KIRREL3: variants seen among roughly 807,000 people sequenced by gnomAD.
The protein encoded by KIRREL3 is kirre like nephrin family adhesion molecule 3, also known as kin of IRRE-like protein 3.
KIRREL3 carries 36 observed loss-of-function variants against 89.7 expected under a neutral mutation model. That is an observed-to-expected ratio of 0.40 (90% CI 0.31 to 0.53). The LOEUF (loss-of-function observed/expected upper bound fraction) is 0.53, where lower values mean the gene tolerates loss of function less well. Among genes scored for constraint, KIRREL3 ranks in the 20% least tolerant of loss-of-function variants. KIRREL3 has a pLI of 0.49. For synonymous variants in KIRREL3, 445 were observed against 441.4 expected, an observed-to-expected ratio of 1.01 and a Z score of -0.10; for missense variants, 864 against 1,056.6, an observed-to-expected ratio of 0.82 and a Z score of 2.53.
At chr11:126,613,747 G>A (rs971428577) in intron 1 of KIRREL3, among the ~76,000 whole-genome samples, 1 of 151,836 alleles carries the variant, frequency 6.6e-6, no homozygotes, top group South Asian at 2.1e-4. Context: ...TTATTTTCTC[G>A]ATGTGCATTT....
rs1955736095 is a variant in KIRREL3 at position 126,445,014 on chromosome 11, C to T, written c.1217G>A (p.Gly406Glu). The T allele has an allele frequency of 6.2e-7, 1 of 1,613,868 alleles. No individual in the cohort carries two copies. Among genetic ancestry groups the T allele is most frequent in the African/African-American group, 1.3e-5 (1 of 75,056 alleles). The change falls in exon 10 of 17, where the codon GGA becomes GAA. Residue 406 changes from glycine to glutamate, a missense_variant. Transcript: ENST00000525144. ...CAGGGTCACCTCTCTCTCCCCGGCT[C>T]CCACACGGGGCACCACAGCCCGGCA... is the stretch of plus-strand genomic sequence containing the variant. ...YVCRAVVPRVGAGEREVTLTV... is the reference protein window; with the variant it reads ...YVCRAVVPRVEAGEREVTLTV...
intron 7 of KIRREL3, 89 bp downstream of exon 7, chr11:126,456,260 A>T (rs1321291300): frequency 2.4e-6 from 2 of 838,754 alleles, no homozygotes; most frequent in Admixed American, 2.1e-5. Flanking sequence ...CACTGCAGCC[A>T]TGCTGAGGAC....
In KIRREL3 at chr11:126,489,944, T is replaced by A. The variant is rs1957463932; in HGVS notation, c.434-16478A>T. 6.6e-6 allele frequency among the ~76,000 whole-genome samples: 1 copy of A among 152,144 alleles called. No individual in the cohort carries two copies. Among genetic ancestry groups the A allele is most frequent in the African/African-American group, 2.4e-5 (1 of 41,442 alleles). ...CAGCTCAGATCTCCATCCCTGGCAC[T>A]GTGCAGGAATCTGGGCGTGTTAGTG... On this transcript the variant is annotated intron_variant, in intron 4 of 16. Transcript: ENST00000525144. The surrounding 1 kb of genome is among the most constrained non-coding windows in gnomAD (Gnocchi z 5.5).
chr11:126,585,437 C>T (rs1254130208), intron 1 of KIRREL3, among the ~76,000 whole-genome samples: 4 of 149,746 alleles, frequency 2.7e-5, no homozygotes, highest in East Asian at 4.0e-4. Flanking sequence ...TTTCAACCTG[C>T]GGGCCAGGCT....
intron 1 of KIRREL3, among the ~76,000 whole-genome samples, chr11:126,853,807 T>C (rs1160195312): frequency 6.6e-6 from 1 of 152,148 alleles, no homozygotes; most frequent in Admixed American, 6.5e-5. Flanking sequence ...TGCATAAAAC[T>C]TTTCTGCATG....
intron 2 of KIRREL3, among the ~76,000 whole-genome samples, chr11:126,532,435 G>A (rs936977930): frequency 7.2e-5 from 11 of 152,146 alleles, no homozygotes; most frequent in African/African-American, 2.2e-4. Flanking sequence ...GAGTGCAATG[G>A]TGTGTTCTCG....
chr11:126,511,925 G>T (rs1958236200), intron 4 of KIRREL3, among the ~76,000 whole-genome samples: 2 of 152,184 alleles, frequency 1.3e-5, no homozygotes, highest in African/African-American at 4.8e-5. Flanking sequence ...TGCAGCTGCA[G>T]CTCCCCTGGG....
chr11:126,457,129 G>T (rs901941414), intron 6 of KIRREL3, among the ~76,000 whole-genome samples: 2 of 151,992 alleles, frequency 1.3e-5, no homozygotes, highest in Non-Finnish European at 2.9e-5. Context: ...ACCGGAGGCC[G>T]ACAGCGAGAC....
At chr11:126,899,055 T>C (rs145653520) in intron 1 of KIRREL3, among the ~76,000 whole-genome samples, 3 of 151,500 alleles carry the variant, frequency 2.0e-5, no homozygotes, top group African/African-American at 7.3e-5. Context: ...CTATAGGTAA[T>C]AAAGGTTAAC....
intron 7 of KIRREL3, among the ~76,000 whole-genome samples, chr11:126,450,391 G>GCAT (rs1956004563): frequency 6.6e-6 from 1 of 151,070 alleles, no homozygotes; most frequent in Non-Finnish European, 1.5e-5. Flanking sequence ...GTGTGAGTGT[G>GCAT]GGTATGTGTG....
At chr11:126,923,140 CT>C (rs879544999) in intron 1 of KIRREL3, among the ~76,000 whole-genome samples, 159 of 13,368 alleles carry the variant, frequency 0.012, 27 homozygotes, top group South Asian at 0.024. Flanking sequence ...TCTTCTTCTT[CT>C]TCTTCTTCTT....
intron 1 of KIRREL3, among the ~76,000 whole-genome samples, chr11:126,806,098 T>G (rs958116675): frequency 6.6e-6 from 1 of 152,218 alleles, no homozygotes; most frequent in Non-Finnish European, 1.5e-5. Flanking sequence ...AATTTGAGTT[T>G]AAACTGCAAA....
At chr11:126,823,603 G>A (rs1390175511) in intron 1 of KIRREL3, among the ~76,000 whole-genome samples, 1 of 152,114 alleles carries the variant, frequency 6.6e-6, no homozygotes, top group Non-Finnish European at 1.5e-5. Context: ...CCCTGCAGTG[G>A]GGGACATGGT....
In KIRREL3 at chr11:126,834,067, T is replaced by G. The variant is rs185829917; in HGVS notation, c.55+166388A>C. Among the ~76,000 whole-genome samples the G allele has an allele frequency of 5.9e-5, 9 of 152,340 alleles. No individual in the cohort carries two copies. The East Asian group carries it at 1.3e-3, about 23-fold the overall frequency. Reference sequence around the variant, plus strand: ...GTCTTCTATTCATTTAAGATTCTTTTTCTACTTTATAATTATGTACCAGGA... The same window carrying G: ...GTCTTCTATTCATTTAAGATTCTTTGTCTACTTTATAATTATGTACCAGGA... On this transcript the variant is annotated intron_variant, in intron 1 of 16. Coordinates refer to ENST00000525144, the MANE Select transcript of KIRREL3 (RefSeq NM_032531.4).
chr11:126,683,135 C>T lies in KIRREL3; in HGVS notation c.56-120223G>A, dbSNP rs553597914. ...CCTTCCAAAGTGTTGCAATTACAAG[C>T]GTGAGCCACAGCACCGGGTTACTTT... is the stretch of plus-strand genomic sequence containing the variant. On this transcript the variant is annotated intron_variant, in intron 1 of 16. Coordinates refer to ENST00000525144, the MANE Select transcript of KIRREL3 (RefSeq NM_032531.4). This position sits in a 1 kb window ranked among gnomAD's most constrained non-coding sequence, Gnocchi z 5.2. Among the ~76,000 whole-genome samples, 12 of 152,182 alleles carry T rather than the reference C, an allele frequency of 7.9e-5. No individual in the cohort carries two copies. In the East Asian group the frequency reaches 2.3e-3, roughly 29 times the overall value.
chr11:126,527,160 A>T lies in KIRREL3; in HGVS notation c.134-473T>A, dbSNP rs1332897660. 6.6e-6 allele frequency among the ~76,000 whole-genome samples: 1 copy of T among 152,064 alleles called. No homozygotes were observed. Among genetic ancestry groups the T allele is most frequent in the East Asian group, 1.9e-4 (1 of 5,186 alleles). ...GGTGCGGCTTTGGTTAAACCTGAGAATTCAGGAAATCATTTTGTTGTTTCA... is the reference window on the plus strand; with the variant it reads ...GGTGCGGCTTTGGTTAAACCTGAGATTTCAGGAAATCATTTTGTTGTTTCA... On this transcript the variant is annotated intron_variant, in intron 2 of 16. Transcript: ENST00000525144. This position sits in a 1 kb window ranked among gnomAD's most constrained non-coding sequence, Gnocchi z 4.2.
At chr11:126,809,323 A>G (rs1225023073) in intron 1 of KIRREL3, among the ~76,000 whole-genome samples, 1 of 152,230 alleles carries the variant, frequency 6.6e-6, no homozygotes, top group African/African-American at 2.4e-5. Context: ...TGTTAATAAG[A>G]GGGACCCCAA....
chr11:126,499,203 C>T (rs1201747592), intron 4 of KIRREL3, among the ~76,000 whole-genome samples: 1 of 151,100 alleles, frequency 6.6e-6, no homozygotes, highest in African/African-American at 2.4e-5. Context: ...GATATTTCTG[C>T]TGGAATCGTC....
intron 2 of KIRREL3, chr11:126,549,509 C>G (rs189357069): frequency 5.3e-5 from 8 of 152,154 alleles, no homozygotes; most frequent in African/African-American, 1.2e-4. Context: ...TTCCAGCGCA[C>G]GGCTCTAAAA....
Sources: allele counts gnomAD v4.1 joint callset (sites outside exome capture counted in the v4.1 genomes callset), GRCh38; gene constraint gnomAD v4.1.1; non-coding constraint Gnocchi (gnomAD v3.1); transcripts MANE v1.5; gene names NCBI Gene and HGNC (gene_info 2026-07-23, HGNC 2026-07-21).